COL22A1: variants seen among roughly 807,000 people sequenced by gnomAD.
The protein encoded by COL22A1 is collagen alpha-1(XXII) chain.
In COL22A1, 221 loss-of-function variants were observed where a neutral mutation model predicts 248.9. The observed-to-expected ratio is 0.89, with a 90% confidence interval of 0.80 to 0.99. The LOEUF is 0.99. COL22A1 is among the 50% of genes least tolerant of loss of function. The pLI is 0.00. For synonymous variants in COL22A1, 891 were observed against 793.4 expected, an observed-to-expected ratio of 1.12 and a Z score of -2.07; for missense variants, 2,240 against 2,179.0, an observed-to-expected ratio of 1.03 and a Z score of -0.56.
At chr8:138,894,654 T>C (rs1264802622) in intron 1 of COL22A1, among the ~76,000 whole-genome samples, 3 of 152,094 alleles carry the variant, frequency 2.0e-5, no homozygotes, top group African/African-American at 7.2e-5. Flanking sequence ...TATAGAAGAA[T>C]AGAAAACAGA....
chr8:138,804,916 GGTGTGTGTGATGGC>G (rs1817348662), intron 10 of COL22A1, among the ~76,000 whole-genome samples: 1 of 145,252 alleles, frequency 6.9e-6, no homozygotes, highest in African/African-American at 2.5e-5. Flanking sequence ...TGTGTGATGG[GGTGTGTGTGATGGC>G]GTGTGTGTGA....
At chr8:138,845,634 A>G (rs1478854512) in intron 3 of COL22A1, among the ~76,000 whole-genome samples, 1 of 152,208 alleles carries the variant, frequency 6.6e-6, no homozygotes, top group African/African-American at 2.4e-5. Context: ...TGCTGAGTCC[A>G]TGCTGACTAC....
intron 57 of COL22A1, 93 bp downstream of exon 57, chr8:138,607,843 C>G: frequency 7.9e-7 from 1 of 1,265,370 alleles, no homozygotes; most frequent in Non-Finnish European, 1.1e-6. Context: ...ACCGATGCTT[C>G]TAGGGACAGA....
intron 23 of COL22A1, among the ~76,000 whole-genome samples, chr8:138,734,294 A>C (rs778876019): frequency 1.5e-4 from 23 of 152,238 alleles, no homozygotes; most frequent in Non-Finnish European, 3.2e-4. Flanking sequence ...TTTCTGGCCC[A>C]TTAATGTACG....
chr8:138,782,492 C>T (rs1815102919), intron 12 of COL22A1, among the ~76,000 whole-genome samples: 1 of 152,204 alleles, frequency 6.6e-6, no homozygotes, highest in South Asian at 2.1e-4. Context: ...GCTGGAATTA[C>T]AGGAGTAATT....
chr8:138,622,900 C>G (rs116330906), intron 52 of COL22A1, among the ~76,000 whole-genome samples: 2,220 of 152,156 alleles, frequency 0.015, 54 homozygotes, highest in African/African-American at 0.05. Context: ...CTCTAAACCA[C>G]TGATGCCGTC....
chr8:138,660,819 TACACACACATAC>T (rs1564157880), intron 43 of COL22A1, among the ~76,000 whole-genome samples: 1 of 133,594 alleles, frequency 7.5e-6, no homozygotes, highest in Non-Finnish European at 1.5e-5. Context: ...CATACACACA[TACACACACATAC>T]ACACACAGAC....
At chr8:138,598,595 G>T (rs1587634651) in intron 61 of COL22A1, 124 bp downstream of exon 61, 2 of 926,494 alleles carry the variant, frequency 2.2e-6, no homozygotes, top group Non-Finnish European at 3.3e-6. Flanking sequence ...CCTGCCCCAG[G>T]TCATACCTTC....
At chr8:138,730,146 C>G (rs536001652) in intron 23 of COL22A1, among the ~76,000 whole-genome samples, 1 of 152,300 alleles carries the variant, frequency 6.6e-6, no homozygotes, top group Admixed American at 6.5e-5. Context: ...ACCACAAGGC[C>G]CCTGGACAGT....
At chr8:138,776,461 G>T (rs1189189735) in intron 15 of COL22A1, among the ~76,000 whole-genome samples, 1 of 152,100 alleles carries the variant, frequency 6.6e-6, no homozygotes, top group Non-Finnish European at 1.5e-5. Flanking sequence ...CCTCCCTCGG[G>T]GATAGGGTCA....
intron 12 of COL22A1, among the ~76,000 whole-genome samples, chr8:138,795,668 T>G (rs1193581744): frequency 1.3e-5 from 2 of 152,234 alleles, no homozygotes; most frequent in African/African-American, 4.8e-5. Context: ...TTTTGCATCA[T>G]CAAATACTGT....
intron 1 of COL22A1, among the ~76,000 whole-genome samples, chr8:138,885,446 C>G (rs567941005): frequency 6.6e-6 from 1 of 152,312 alleles, no homozygotes; most frequent in East Asian, 1.9e-4. Flanking sequence ...CATTCTACAT[C>G]AAGTCTAGGT....
intron 43 of COL22A1, 130 bp from the exon 44 acceptor site, chr8:138,660,610 G>A: frequency 2.6e-6 from 2 of 763,878 alleles, no homozygotes; most frequent in Middle Eastern, 2.4e-4. Flanking sequence ...ATCAGACCAT[G>A]AGGATTGGCA....
At chr8:138,845,728 T>C (rs1329013175) in intron 3 of COL22A1, among the ~76,000 whole-genome samples, 5 of 152,056 alleles carry the variant, frequency 3.3e-5, no homozygotes, top group African/African-American at 1.2e-4. Context: ...GAGATATTAA[T>C]ATGCACACAT....
intron 3 of COL22A1, among the ~76,000 whole-genome samples, chr8:138,873,102 T>C (rs937683973): frequency 1.3e-5 from 2 of 152,068 alleles, no homozygotes; most frequent in African/African-American, 4.8e-5. Context: ...TCTTAGGCAG[T>C]AGGTTCCGAC....
At chr8:138,664,145 C>A (rs567856560) in intron 41 of COL22A1, among the ~76,000 whole-genome samples, 1 of 149,102 alleles carries the variant, frequency 6.7e-6, no homozygotes, top group African/African-American at 2.5e-5. Flanking sequence ...CCAGCCATAG[C>A]GCTAGTGTCT....
At chr8:138,643,483 C>T (rs1049098462) in intron 47 of COL22A1, among the ~76,000 whole-genome samples, 1 of 152,078 alleles carries the variant, frequency 6.6e-6, no homozygotes, top group African/African-American at 2.4e-5. Context: ...TTGCTTTTTA[C>T]CAGTCATAAT....
intron 16 of COL22A1, among the ~76,000 whole-genome samples, chr8:138,774,270 C>T (rs1814174932): frequency 6.6e-6 from 1 of 152,110 alleles, no homozygotes; most frequent in East Asian, 1.9e-4. Context: ...AGGGACCTTT[C>T]AGAAAGCAAC....
In COL22A1 at chr8:138,598,738, G is replaced by A. The variant is rs746435872; in HGVS notation, c.4346C>T (p.Pro1449Leu). 8 of 1,613,648 alleles carry A rather than the reference G, an allele frequency of 5.0e-6. No homozygotes were observed. The highest frequency in any genetic ancestry group is 2.2e-5 in the East Asian group (1 of 44,868). The change falls in exon 61 of 65, where the codon CCG becomes CTG. Residue 1449 changes from proline (P) to leucine (L), a missense_variant. Pro to Leu is a moderately conservative substitution (Grantham distance 98). Transcript: ENST00000303045. ...PVGPPGPPGQPGFPGLRGESP... is the reference protein window; with the variant it reads ...PVGPPGPPGQLGFPGLRGESP... ...CCTTACCCTCAGTCCTGGAAATCCC[G>A]GCTGGCCTGGAGGCCCTGGGGGTCC...
Sources: gnomAD v4.1 joint callset for allele counts (sites outside exome capture counted in the v4.1 genomes callset) on GRCh38, gnomAD v4.1.1 for gene constraint, MANE v1.5 for transcripts, NCBI Gene and HGNC (gene_info 2026-07-23, HGNC 2026-07-21) for gene names.